Variants in TMEM178B observed in about 807,000 individuals in gnomAD.
TMEM178B encodes the protein transmembrane protein 178B.
A neutral mutation model predicts 31.0 loss-of-function variants in TMEM178B; 5 were observed. The ratio of observed to expected loss-of-function variants is 0.16; its 90% CI spans 0.08 to 0.34. The LOEUF (loss-of-function observed/expected upper bound fraction) is 0.34. Ranked by LOEUF, TMEM178B falls within the 10% of genes least tolerant of loss-of-function variation. TMEM178B has a pLI of 1.00. For synonymous variants in TMEM178B, 164 were observed against 164.0 expected (o/e 1.00, Z 0.00); for missense variants, 275 against 400.3 (o/e 0.69, Z 2.67).
intron 2 of TMEM178B, among the ~76,000 whole-genome samples, chr7:141,266,211 CA>C (rs1798092517): frequency 6.6e-6 from 1 of 152,256 alleles, no homozygotes; most frequent in African/African-American, 2.4e-5. Flanking sequence ...TGGTGCAACT[CA>C]TTGGGACTTC....
At chr7:141,159,539 G>C (rs1796132585) in intron 1 of TMEM178B, among the ~76,000 whole-genome samples, 1 of 152,188 alleles carries the variant, frequency 6.6e-6, no homozygotes. Flanking sequence ...CCAAAAGGCG[G>C]AAGCAACCCA....
chr7:141,157,660 C>T (rs762392544), intron 1 of TMEM178B, among the ~76,000 whole-genome samples: 4 of 152,210 alleles, frequency 2.6e-5, no homozygotes, highest in Non-Finnish European at 5.9e-5. Flanking sequence ...GTAACTAAGC[C>T]CAACTTGCAC....
chr7:141,130,773 A>G (rs1342302917), intron 1 of TMEM178B, among the ~76,000 whole-genome samples: 1 of 152,188 alleles, frequency 6.6e-6, no homozygotes, highest in African/African-American at 2.4e-5. Flanking sequence ...GAATTATACT[A>G]AGTAATTAAC....
chr7:141,456,909 C>G (rs748199803), intron 3 of TMEM178B, among the ~76,000 whole-genome samples: 23 of 152,198 alleles, frequency 1.5e-4, no homozygotes, highest in Non-Finnish European at 2.1e-4. Context: ...CGTTAAGAAG[C>G]CAGTTGGATC....
intron 2 of TMEM178B, among the ~76,000 whole-genome samples, chr7:141,315,491 T>A (rs74598286): frequency 0.16 from 24,669 of 152,228 alleles, 2,424 homozygotes; most frequent in Non-Finnish European, 0.22. Context: ...CCTCTTCTCA[T>A]TTGCAAATCT....
chr7:141,298,290 T>C (rs185665130), intron 2 of TMEM178B, among the ~76,000 whole-genome samples: 2 of 152,370 alleles, frequency 1.3e-5, no homozygotes, highest in East Asian at 1.9e-4. Flanking sequence ...GCAAAAATTT[T>C]CTCCCATTCT....
intron 1 of TMEM178B, among the ~76,000 whole-genome samples, chr7:141,153,282 G>T (rs7784508): frequency 0.027 from 4,078 of 152,186 alleles, 204 homozygotes; most frequent in African/African-American, 0.092. Flanking sequence ...ATTTTCCAAC[G>T]TTGAAGATTT....
intron 1 of TMEM178B, among the ~76,000 whole-genome samples, chr7:141,198,681 T>C (rs1796825531): frequency 6.6e-6 from 1 of 152,162 alleles, no homozygotes; most frequent in Non-Finnish European, 1.5e-5. Flanking sequence ...CATCTCCAGA[T>C]CTGTCTCCAC....
At chr7:141,180,739 G>A (rs1284081237) in intron 1 of TMEM178B, among the ~76,000 whole-genome samples, 1 of 152,128 alleles carries the variant, frequency 6.6e-6, no homozygotes, top group African/African-American at 2.4e-5. Flanking sequence ...GTGTCTCCAA[G>A]TTCTCAAATT....
chr7:141,395,316 C>T (rs536722094), intron 2 of TMEM178B, among the ~76,000 whole-genome samples: 1 of 152,276 alleles, frequency 6.6e-6, no homozygotes, highest in East Asian at 1.9e-4. Context: ...TGATGAGTGC[C>T]TGTAGTCCCA....
In TMEM178B at chr7:141,471,433, G is replaced by A. The variant is rs957258074; in HGVS notation, c.*647G>A. ...ATCTGCATCAATGAAAGGACGCTTC[G>A]GTGGATGCTCAGACAACCCAGTCTT... On this transcript the variant is annotated 3_prime_UTR_variant, in exon 4 of 4. Transcript: ENST00000565468. The surrounding 1 kb of genome is among the most constrained non-coding windows in gnomAD (Gnocchi z 4.1). The A allele has an allele frequency of 2.0e-5, 3 of 152,088 alleles. No homozygotes were observed. The highest frequency in any genetic ancestry group is 6.6e-5 in the Admixed American group (1 of 15,256). 9.4% of individuals were successfully genotyped at this position (152,088 alleles called of 1,614,324 possible). A position where few individuals can be genotyped will look rare whatever the true frequency, so the allele number is the denominator to read the frequency against.
chr7:141,163,406 C>T (rs764686104), intron 1 of TMEM178B, among the ~76,000 whole-genome samples: 1 of 152,098 alleles, frequency 6.6e-6, no homozygotes, highest in Non-Finnish European at 1.5e-5. Context: ...GACTCTACTT[C>T]ATTGGTGAGA....
intron 2 of TMEM178B, among the ~76,000 whole-genome samples, chr7:141,286,631 A>G (rs576845308): frequency 4.6e-5 from 7 of 152,258 alleles, no homozygotes; most frequent in African/African-American, 1.4e-4. Flanking sequence ...AATCACACTT[A>G]CCACTGGTCT....
chr7:141,410,922 C>G (rs996143101), intron 2 of TMEM178B, among the ~76,000 whole-genome samples: 2 of 152,118 alleles, frequency 1.3e-5, no homozygotes, highest in African/African-American at 4.8e-5. Context: ...CATAGATGAA[C>G]CTGGAGAACA....
chr7:141,364,019 T>C (rs1005195995), intron 2 of TMEM178B, among the ~76,000 whole-genome samples: 1 of 152,074 alleles, frequency 6.6e-6, no homozygotes, highest in Non-Finnish European at 1.5e-5. Flanking sequence ...GCTTCATACA[T>C]CACCTTGACT....
intron 1 of TMEM178B, among the ~76,000 whole-genome samples, chr7:141,167,286 G>A (rs1026698918): frequency 2.0e-5 from 3 of 152,184 alleles, no homozygotes; most frequent in Non-Finnish European, 2.9e-5. Context: ...TCGCCCATGC[G>A]TCTGTTACCC....
chr7:141,331,467 G>A (rs914247746), intron 2 of TMEM178B, among the ~76,000 whole-genome samples: 3 of 152,072 alleles, frequency 2.0e-5, no homozygotes, highest in Non-Finnish European at 4.4e-5. Context: ...GCTATTGGTG[G>A]GTTAAGAAAA....
intron 1 of TMEM178B, among the ~76,000 whole-genome samples, chr7:141,152,985 G>C (rs1411676813): frequency 6.6e-6 from 1 of 152,176 alleles, no homozygotes; most frequent in Non-Finnish European, 1.5e-5. Context: ...GAGGTGCAGA[G>C]AAAGTAGATA....
chr7:141,337,170 C>CCAT (rs1563155404), intron 2 of TMEM178B, among the ~76,000 whole-genome samples: 5 of 73,894 alleles, frequency 6.8e-5, no homozygotes, highest in Admixed American at 1.4e-4. Flanking sequence ...ACCACCACCA[C>CCAT]CACCACCACC....
Sources: allele counts gnomAD v4.1 joint callset (sites outside exome capture counted in the v4.1 genomes callset), GRCh38; gene constraint gnomAD v4.1.1; non-coding constraint Gnocchi (gnomAD v3.1); transcripts MANE v1.5; gene names NCBI Gene and HGNC (gene_info 2026-07-23, HGNC 2026-07-21).